The following EIF4ENIF1 variants were observed in gnomAD, a reference collection of about 807,000 sequenced individuals.
The protein encoded by EIF4ENIF1 is eukaryotic translation initiation factor 4E transporter.
EIF4ENIF1 carries 23 observed loss-of-function variants against 110.5 expected under a neutral mutation model. The observed-to-expected ratio is 0.21, with a 90% CI of 0.15 to 0.29. The LOEUF (loss-of-function observed/expected upper bound fraction) is 0.29, where lower values mean the gene tolerates loss of function less well. Ranked by LOEUF, EIF4ENIF1 falls within the 10% of genes least tolerant of loss-of-function variation. The pLI is 1.00. For missense variants in EIF4ENIF1, 1,031 were observed against 1,221.1 expected (o/e 0.84, Z 2.32); for synonymous variants, 440 against 437.0 (o/e 1.01, Z -0.09).
chr22:31,471,280 G>C (rs1298022672), intron 3 of EIF4ENIF1, among the ~76,000 whole-genome samples: 1 of 151,160 alleles, frequency 6.6e-6, no homozygotes, highest in Non-Finnish European at 1.5e-5. Context: ...ACCACTGGTA[G>C]AGGACAAGAC....
intron 2 of EIF4ENIF1, among the ~76,000 whole-genome samples, chr22:31,487,837 T>C (rs1011930736): frequency 8.8e-5 from 13 of 147,406 alleles, no homozygotes; most frequent in African/African-American, 3.0e-4. Context: ...TAAGGAAATA[T>C]ATGGATGTGT....
At chr22:31,492,944 C>G (rs530996457), upstream of EIF4ENIF1, among the ~76,000 whole-genome samples, 5 of 151,690 alleles carry the variant, frequency 3.3e-5, no homozygotes, top group East Asian at 9.8e-4. Flanking sequence ...GTTGGTCAGG[C>G]TGGTCTCAAA....
At chr22:31,456,914 G>C (rs1157964831) in intron 7 of EIF4ENIF1, among the ~76,000 whole-genome samples, 1 of 152,218 alleles carries the variant, frequency 6.6e-6, no homozygotes, top group Non-Finnish European at 1.5e-5. Flanking sequence ...AATGTTCTCA[G>C]AGAACAGTGT....
chr22:31,465,362 A>G (rs1006582384), intron 4 of EIF4ENIF1, among the ~76,000 whole-genome samples: 7 of 152,004 alleles, frequency 4.6e-5, no homozygotes, highest in African/African-American at 1.7e-4. Flanking sequence ...TGAAAAATAG[A>G]CAAATGGTTT....
intron 2 of EIF4ENIF1, among the ~76,000 whole-genome samples, chr22:31,478,202 G>C (rs1246600497): frequency 1.3e-5 from 2 of 152,140 alleles, no homozygotes; most frequent in Non-Finnish European, 2.9e-5. Flanking sequence ...GTGGGGAAGA[G>C]AGAAACCATG....
chr22:31,488,897 T>C (rs2052147717), intron 1 of EIF4ENIF1, 152 bp from the exon 2 acceptor site: 2 of 824,270 alleles, frequency 2.4e-6, no homozygotes, highest in Non-Finnish European at 3.7e-6. Context: ...AAATTAGAAC[T>C]TGGAGATAGA....
chr22:31,456,488 G>C (rs1156624174), intron 7 of EIF4ENIF1, among the ~76,000 whole-genome samples: 1 of 151,766 alleles, frequency 6.6e-6, no homozygotes, highest in East Asian at 1.9e-4. Context: ...CTCCCAAAGT[G>C]CTGGGATTAC....
chr22:31,465,341 A>C (rs547475055), intron 4 of EIF4ENIF1, among the ~76,000 whole-genome samples: 603 of 151,716 alleles, frequency 4.0e-3, no homozygotes, highest in African/African-American at 0.013. Flanking sequence ...AAAAAAAAAA[A>C]CCAACACAAT....
At chr22:31,459,150 A>G (rs1337440155) in intron 6 of EIF4ENIF1, among the ~76,000 whole-genome samples, 1 of 151,772 alleles carries the variant, frequency 6.6e-6, no homozygotes, top group East Asian at 1.9e-4. Context: ...CTGGACTTAA[A>G]CTGCTGACCT....
intron 2 of EIF4ENIF1, among the ~76,000 whole-genome samples, chr22:31,486,279 A>T (rs76245857): frequency 1.1e-4 from 1 of 8,698 alleles, no homozygotes; most frequent in Non-Finnish European, 2.3e-4. Flanking sequence ...TCAAAAAAAA[A>T]AAAATAAAAA....
At position 31,442,125 on chromosome 22, in the gene EIF4ENIF1, G is replaced by A. The variant is rs1301779664; in HGVS notation, c.2207-7C>T. On this transcript the variant is annotated splice_region_variant and splice_polypyrimidine_tract_variant and intron_variant, in intron 16 of 18. Coordinates refer to ENST00000330125, the MANE Select transcript of EIF4ENIF1 (RefSeq NM_019843.4). Reference sequence around the variant, plus strand: ...CTGGATGACAGGAGGTTTTCTGTGAGGAACCAAACAAAAAATATTTTGGCA... The same window carrying A: ...CTGGATGACAGGAGGTTTTCTGTGAAGAACCAAACAAAAAATATTTTGGCA... 3.1e-6 allele frequency: 5 copies of A among 1,587,526 alleles called. No individual in the cohort carries two copies. Among genetic ancestry groups the A allele is most frequent in the Admixed American group, 3.6e-5 (2 of 56,334 alleles).
chr22:31,459,548 T>C (rs956827086), intron 6 of EIF4ENIF1, among the ~76,000 whole-genome samples: 2 of 152,148 alleles, frequency 1.3e-5, no homozygotes, highest in Admixed American at 6.5e-5. Flanking sequence ...ATAATCCTTA[T>C]GTCATCTCTG....
intron 11 of EIF4ENIF1, 88 bp from the exon 12 acceptor site, chr22:31,449,619 A>C (rs2050586462): frequency 1.7e-6 from 2 of 1,210,554 alleles, no homozygotes; most frequent in Non-Finnish European, 2.3e-6. Flanking sequence ...TGAGAGCCAC[A>C]AGATGGATCT....
At chr22:31,459,735 T>G (rs1304301148) in intron 6 of EIF4ENIF1, among the ~76,000 whole-genome samples, 2 of 133,104 alleles carry the variant, frequency 1.5e-5, no homozygotes, top group Non-Finnish European at 3.3e-5. Context: ...TTAAGGCATC[T>G]GACATCTTAG....
At chr22:31,446,878 T>C (rs1285598509) in intron 14 of EIF4ENIF1, 2 of 299,720 alleles carry the variant, frequency 6.7e-6, no homozygotes, top group Non-Finnish European at 1.4e-5. Flanking sequence ...TTGTTGCAAC[T>C]ATCGAAAAAG....
At chr22:31,450,795 TATACATACAC>T (rs1336250102) in intron 10 of EIF4ENIF1, 7 of 205,562 alleles carry the variant, frequency 3.4e-5, no homozygotes, top group Admixed American at 3.3e-4. Context: ...CATATACACA[TATACATACAC>T]ATACATATAC....
chr22:31,490,842 C>T (rs1047283346), upstream of EIF4ENIF1, among the ~76,000 whole-genome samples: 6 of 152,178 alleles, frequency 3.9e-5, no homozygotes, highest in Admixed American at 2.0e-4. Context: ...CGCAATTTTC[C>T]TGGTTAAAGG....
intron 2 of EIF4ENIF1, among the ~76,000 whole-genome samples, chr22:31,482,685 A>C (rs1045942384): frequency 1.3e-5 from 2 of 149,586 alleles, no homozygotes; most frequent in Admixed American, 6.7e-5. Flanking sequence ...CGGTCTCAAA[A>C]ACAAACAAAA....
intron 5 of EIF4ENIF1, among the ~76,000 whole-genome samples, chr22:31,463,445 G>A (rs997355276): frequency 2.0e-5 from 3 of 151,388 alleles, no homozygotes; most frequent in African/African-American, 7.3e-5. Flanking sequence ...TTGGGAGGCC[G>A]AGGCAGGCCG....
Sources: gnomAD v4.1 joint callset for allele counts (sites outside exome capture counted in the v4.1 genomes callset) on GRCh38, gnomAD v4.1.1 for gene constraint, MANE v1.5 for transcripts, NCBI Gene and HGNC (gene_info 2026-07-23, HGNC 2026-07-21) for gene names.